Variants in NALCN observed in about 807,000 individuals in gnomAD.
NALCN encodes sodium leak channel NALCN.
Under a neutral mutation model 225.3 loss-of-function variants are expected in NALCN, and 111 were observed. The ratio of observed to expected loss-of-function variants is 0.49; its 90% CI spans 0.42 to 0.58. The LOEUF (loss-of-function observed/expected upper bound fraction) is 0.58, where lower values mean the gene tolerates loss of function less well. NALCN is among the 20% of genes least tolerant of loss of function. The probability of loss-of-function intolerance (pLI) is 0.00; values close to 1 mark genes in which losing one functional copy is unlikely to be tolerated. For missense variants in NALCN, 1,378 were observed against 2,202.4 expected (o/e 0.63, Z 7.49); for synonymous variants, 764 against 769.0 (o/e 0.99, Z 0.11).
At chr13:101,221,982 C>T (rs2040958100) in intron 13 of NALCN, among the ~76,000 whole-genome samples, 1 of 152,252 alleles carries the variant, frequency 6.6e-6, no homozygotes, top group Admixed American at 6.5e-5. Flanking sequence ...AGACCTTTAT[C>T]ATGCTTTTTC....
chr13:101,392,788 T>C (rs2047182534), intron 3 of NALCN, among the ~76,000 whole-genome samples: 1 of 152,182 alleles, frequency 6.6e-6, no homozygotes, highest in Non-Finnish European at 1.5e-5. Context: ...AAAACTATTA[T>C]GACTAATACA....
chr13:101,116,500 C>T (rs1183892435), intron 18 of NALCN: 3 of 517,134 alleles, frequency 5.8e-6, no homozygotes, highest in East Asian at 5.5e-5. Flanking sequence ...TTTATAGACA[C>T]AGTAGCAGGG....
At position 101,339,413 on chromosome 13, in the gene NALCN, G is replaced by A. The variant is rs542062666; in HGVS notation, c.799+5853C>T. Among the ~76,000 whole-genome samples, 6 of 152,322 alleles carry A rather than the reference G, an allele frequency of 3.9e-5. No homozygotes were observed. In the East Asian group the frequency reaches 1.2e-3, roughly 29 times the overall value. The stretch of plus-strand genomic sequence containing the variant: ...CACGGGCTAATGTCTTAGCAGGGAT[G>A]AGTCAGTTGGGGGTCCTTAGGAAGG... On this transcript the variant is annotated intron_variant, in intron 7 of 43. Coordinates refer to ENST00000251127, the MANE Select transcript of NALCN (RefSeq NM_052867.4).
intron 15 of NALCN, among the ~76,000 whole-genome samples, chr13:101,160,454 C>T (rs1265943789): frequency 6.6e-6 from 1 of 152,106 alleles, no homozygotes; most frequent in African/African-American, 2.4e-5. Context: ...CCAATACTCC[C>T]TCAGGACCCT....
At chr13:101,141,670 G>C (rs1041887961) in intron 17 of NALCN, among the ~76,000 whole-genome samples, 1 of 151,348 alleles carries the variant, frequency 6.6e-6, no homozygotes, top group African/African-American at 2.4e-5. Context: ...AAAAAGGGGA[G>C]GCAAGAAAGA....
chr13:101,400,149 C>CA (rs200376662), intron 1 of NALCN, among the ~76,000 whole-genome samples: 45 of 136,384 alleles, frequency 3.3e-4, no homozygotes, highest in South Asian at 1.1e-3. Flanking sequence ...CAGCCCTAAC[C>CA]AAAAAAAAAC....
intron 13 of NALCN, among the ~76,000 whole-genome samples, chr13:101,195,409 AT>A (rs1485586395): frequency 6.6e-6 from 1 of 152,168 alleles, no homozygotes; most frequent in East Asian, 1.9e-4. Context: ...CTAATTTGTC[AT>A]TCCTTTTAAG....
chr13:101,400,670 T>C (rs1443310363), intron 1 of NALCN, among the ~76,000 whole-genome samples: 2 of 152,134 alleles, frequency 1.3e-5, no homozygotes, highest in East Asian at 3.9e-4. Context: ...CCGAATCTGA[T>C]TGCCTGTATT....
intron 13 of NALCN, among the ~76,000 whole-genome samples, chr13:101,195,501 C>T (rs1338111212): frequency 6.6e-6 from 1 of 152,200 alleles, no homozygotes; most frequent in Non-Finnish European, 1.5e-5. Context: ...AGTAGTTTGA[C>T]ACTTTCCTTG....
At chr13:101,337,573 G>T (rs971563068) in intron 7 of NALCN, among the ~76,000 whole-genome samples, 1 of 152,130 alleles carries the variant, frequency 6.6e-6, no homozygotes, top group African/African-American at 2.4e-5. Flanking sequence ...CTCCCAAAGT[G>T]CTTGGATTAC....
intron 6 of NALCN, among the ~76,000 whole-genome samples, chr13:101,349,929 C>A (rs1391596002): frequency 6.6e-6 from 1 of 152,150 alleles, no homozygotes; most frequent in Non-Finnish European, 1.5e-5. Flanking sequence ...GACCAGCTTC[C>A]AAACCGTGGA....
At chr13:101,360,626 A>C (rs2139363099) in intron 6 of NALCN, among the ~76,000 whole-genome samples, 1 of 152,312 alleles carries the variant, frequency 6.6e-6, no homozygotes, top group Non-Finnish European at 1.5e-5. Context: ...GGGATTTTAA[A>C]AGTGCCAATG....
chr13:101,078,909 T>C (rs1055773762), intron 34 of NALCN, among the ~76,000 whole-genome samples: 3 of 152,160 alleles, frequency 2.0e-5, no homozygotes, highest in African/African-American at 7.2e-5. Flanking sequence ...GTGGAGATAA[T>C]TGAATTAAGG....
intron 22 of NALCN, among the ~76,000 whole-genome samples, chr13:101,106,868 T>C (rs905835282): frequency 6.6e-6 from 1 of 152,200 alleles, no homozygotes; most frequent in African/African-American, 2.4e-5. Context: ...AATGGACTCA[T>C]ACAGGTATGC....
intron 17 of NALCN, among the ~76,000 whole-genome samples, chr13:101,132,569 C>T (rs1259108113): frequency 6.6e-6 from 1 of 152,042 alleles, no homozygotes; most frequent in Non-Finnish European, 1.5e-5. Flanking sequence ...GTGATATATA[C>T]ATATTTTAAA....
At chr13:101,314,081 T>G (rs962961284) in intron 7 of NALCN, among the ~76,000 whole-genome samples, 1 of 145,360 alleles carries the variant, frequency 6.9e-6, no homozygotes, top group Non-Finnish European at 1.5e-5. Flanking sequence ...AAACACCGCA[T>G]GTTCTCACTC....
At chr13:101,088,916 T>A (rs1009831453) in intron 30 of NALCN, among the ~76,000 whole-genome samples, 33 of 151,898 alleles carry the variant, frequency 2.2e-4, no homozygotes, top group African/African-American at 8.0e-4. Flanking sequence ...TTTTCTTTTT[T>A]TTTTTTGAGT....
At chr13:101,152,603 C>T (rs1427854188) in intron 15 of NALCN, among the ~76,000 whole-genome samples, 1 of 151,852 alleles carries the variant, frequency 6.6e-6, no homozygotes, top group Admixed American at 6.6e-5. Context: ...AAAAAAAAAA[C>T]TATTCAAATC....
At chr13:101,131,858 T>A (rs1045869654) in intron 17 of NALCN, among the ~76,000 whole-genome samples, 4 of 152,192 alleles carry the variant, frequency 2.6e-5, no homozygotes, top group African/African-American at 9.6e-5. Flanking sequence ...ACAATGTCAA[T>A]GCCTCTGTCA....
Sources: allele counts gnomAD v4.1 joint callset (sites outside exome capture counted in the v4.1 genomes callset), GRCh38; gene constraint gnomAD v4.1.1; transcripts MANE v1.5; gene names NCBI Gene and HGNC (gene_info 2026-07-23, HGNC 2026-07-21).